MME: variants seen among roughly 807,000 people sequenced by gnomAD.
MME encodes membrane metalloendopeptidase, also known as neprilysin.
MME carries 98 observed loss-of-function variants against 113.2 expected under a neutral mutation model. That is an observed-to-expected ratio of 0.87 (90% CI 0.74 to 1.02). MME has a LOEUF of 1.02. Among genes scored for constraint, MME ranks in the 50% least tolerant of loss-of-function variants. MME has a pLI of 0.00. For missense variants in MME, 836 were observed against 896.0 expected (o/e 0.93, Z 0.86); for synonymous variants, 292 against 300.6 (o/e 0.97, Z 0.30).
At chr3:155,089,006 A>G (rs929574196) in intron 3 of MME, among the ~76,000 whole-genome samples, 6 of 152,174 alleles carry the variant, frequency 3.9e-5, no homozygotes, top group Non-Finnish European at 8.8e-5. Context: ...GCTGTTTCAA[A>G]TCTGTTTGGT....
Position 155,098,329 on chromosome 3 carries a change from G to C in MME, c.196+13235G>C, listed in dbSNP as rs147258418. On this transcript the variant is annotated intron_variant, in intron 3 of 22. Coordinates refer to ENST00000360490, the MANE Select transcript of MME (RefSeq NM_007289.4). ...CCAGCACTTTGGGAGGCCAAGGCAGGCGAATCACCAGGTCAGGAGATCAAG... is the reference window on the plus strand; with the variant it reads ...CCAGCACTTTGGGAGGCCAAGGCAGCCGAATCACCAGGTCAGGAGATCAAG... Among the ~76,000 whole-genome samples, 655 of 152,268 alleles carry C rather than the reference G, an allele frequency of 4.3e-3. 6 individuals carry two copies. The highest frequency in any genetic ancestry group is 0.015 in the African/African-American group (610 of 41,548).
At chr3:155,041,753 T>C (rs1010591580) in intron 1 of MME, among the ~76,000 whole-genome samples, 11 of 152,148 alleles carry the variant, frequency 7.2e-5, no homozygotes, top group African/African-American at 2.7e-4. Context: ...GGAGTTCAAT[T>C]TTAATAGAAG....
chr3:155,044,934 A>ATT (rs74270351), intron 1 of MME, among the ~76,000 whole-genome samples: 4 of 144,414 alleles, frequency 2.8e-5, no homozygotes, highest in Admixed American at 1.4e-4. Flanking sequence ...TTGGTCTGCA[A>ATT]TTTTTTTTTT....
At chr3:155,090,421 G>T (rs1184276657) in intron 3 of MME, 1 of 151,926 alleles carries the variant, frequency 6.6e-6, no homozygotes, top group South Asian at 2.1e-4. Context: ...TATTTTTTCT[G>T]TATACATACC....
Position 155,084,313 on chromosome 3 carries a change from A to C in MME, c.146A>C (p.Tyr49Ser). The change falls in exon 2 of 23, where the codon TAT (tyrosine) becomes TCT (serine). Residue 49 changes from tyrosine (Y) to serine (S), a missense_variant. By Grantham distance (144) the Tyr-to-Ser change is moderately radical (BLOSUM62 -2). Coordinates refer to ENST00000360490, the MANE Select transcript of MME (RefSeq NM_007289.4). ...TIIAVTMIAL[Y>S]ATYDDGICKS... is the part of the protein sequence containing the mutation. ...ATAGCTGTGACAATGATCGCACTCT[A>C]TGCAACCTACGATGGTGAGTTACTC... 2.5e-6 allele frequency: 4 copies of C among 1,614,134 alleles called. No homozygotes were observed. The highest frequency in any genetic ancestry group is 3.4e-6 in the Non-Finnish European group (4 of 1,180,024).
rs143471862 is a variant in MME, at chr3:155,066,179, G to A, written c.-10-17979G>A. 3.9e-5 allele frequency among the ~76,000 whole-genome samples: 6 copies of A among 152,240 alleles called. No homozygotes were observed. The East Asian group carries it at 9.6e-4, about 24-fold the overall frequency. ...AAGAGCATTTAATGACAGAAAATTA[G>A]CATTTTATAGTACTAGTTTAAGTAT... On this transcript the variant is annotated intron_variant, in intron 1 of 22. Coordinates refer to the MME transcript ENST00000492661.
chr3:155,150,269 C>A (rs947176998), intron 16 of MME, among the ~76,000 whole-genome samples: 1 of 152,100 alleles, frequency 6.6e-6, no homozygotes, highest in Non-Finnish European at 1.5e-5. Context: ...TTGAGGTTAA[C>A]GTAGTGCCAG....
chr3:155,172,883 G>A (rs1036340455), intron 22 of MME, among the ~76,000 whole-genome samples: 19 of 152,064 alleles, frequency 1.2e-4, no homozygotes, highest in South Asian at 6.2e-4. Context: ...CAAAGATGTC[G>A]CCTCAGAACA....
At chr3:155,042,302 A>C (rs1713348326) in intron 1 of MME, among the ~76,000 whole-genome samples, 3 of 152,274 alleles carry the variant, frequency 2.0e-5, no homozygotes, top group South Asian at 4.1e-4. Context: ...CTAGCTAATT[A>C]CTTTTTTATT....
intron 3 of MME, among the ~76,000 whole-genome samples, chr3:155,095,626 C>CGCCTCA: frequency 6.6e-6 from 1 of 152,140 alleles, no homozygotes; most frequent in African/African-American, 2.4e-5. Context: ...GCAATCCACA[C>CGCCTCA]GCCTCAGCCT....
chr3:155,113,971 G>A (rs934782305), intron 3 of MME, among the ~76,000 whole-genome samples: 3 of 152,036 alleles, frequency 2.0e-5, no homozygotes, highest in Non-Finnish European at 2.9e-5. Flanking sequence ...GGGGGCTTGA[G>A]GCTCAGCTGG....
In MME at chr3:155,103,813, C is replaced by G. The variant is rs142865857; in HGVS notation, c.197-11181C>G. Among the ~76,000 whole-genome samples the G allele has an allele frequency of 3.0e-3, 457 of 152,296 alleles. 2 individuals carry two copies. The highest frequency in any genetic ancestry group is 0.01 in the African/African-American group (434 of 41,560). On this transcript the variant is annotated intron_variant, in intron 3 of 22. Transcript: ENST00000360490. ...GCTGTTCTTCAACAACCACCATCCTCTAAAACTCCTCTGTCCCTGCTCACT... is the reference window on the plus strand; with the variant it reads ...GCTGTTCTTCAACAACCACCATCCTGTAAAACTCCTCTGTCCCTGCTCACT...
At chr3:155,108,772 C>CT (rs61229890) in intron 3 of MME, among the ~76,000 whole-genome samples, 1 of 152,120 alleles carries the variant, frequency 6.6e-6, no homozygotes, top group Non-Finnish European at 1.5e-5. Flanking sequence ...ACCCTCCCCC[C>CT]TCCACCAGAA....
chr3:155,047,322 T>C (rs1291656397), intron 1 of MME, among the ~76,000 whole-genome samples: 1 of 152,214 alleles, frequency 6.6e-6, no homozygotes, highest in East Asian at 1.9e-4. Flanking sequence ...TAGAGTAACA[T>C]GCTGTGCAGG....
intron 1 of MME, among the ~76,000 whole-genome samples, chr3:155,066,317 C>T (rs1451515462): frequency 6.6e-6 from 1 of 152,096 alleles, no homozygotes; most frequent in Non-Finnish European, 1.5e-5. Flanking sequence ...TTATTGCCCT[C>T]TTTGTATTTT....
intron 3 of MME, among the ~76,000 whole-genome samples, chr3:155,106,203 G>T (rs1717671497): frequency 1.3e-5 from 2 of 152,202 alleles, no homozygotes; most frequent in African/African-American, 4.8e-5. Flanking sequence ...TTTCTGAACA[G>T]TTGTATAGTG....
At chr3:155,179,650 A>C (rs943899735) in intron 22 of MME, among the ~76,000 whole-genome samples, 2 of 152,138 alleles carry the variant, frequency 1.3e-5, no homozygotes, top group African/African-American at 2.4e-5. Context: ...GGTGGGTGTG[A>C]AAACATCACC....
chr3:155,134,642 G>C (rs905614018), intron 8 of MME, among the ~76,000 whole-genome samples: 1 of 152,070 alleles, frequency 6.6e-6, no homozygotes, highest in African/African-American at 2.4e-5. Flanking sequence ...ATTTTCTTTT[G>C]GGTATATATC....
intron 12 of MME, among the ~76,000 whole-genome samples, 178 bp from the exon 13 acceptor site, chr3:155,143,265 T>C (rs866764214): frequency 6.6e-6 from 1 of 152,192 alleles, no homozygotes; most frequent in Non-Finnish European, 1.5e-5. Flanking sequence ...TTTCAGATCA[T>C]ATATAAGTAA....
Sources: gnomAD v4.1 joint callset for allele counts (sites outside exome capture counted in the v4.1 genomes callset) on GRCh38, gnomAD v4.1.1 for gene constraint, MANE v1.5 for transcripts, NCBI Gene and HGNC (gene_info 2026-07-23, HGNC 2026-07-21) for gene names.